NCKAP5: variants seen among roughly 807,000 people sequenced by gnomAD.
NCKAP5 encodes the protein NCK associated protein 5.
A neutral mutation model predicts 167.0 loss-of-function variants in NCKAP5; 92 were observed. The observed-to-expected ratio is 0.55, with a 90% confidence interval of 0.47 to 0.66. NCKAP5 has a LOEUF of 0.66. Ranked by LOEUF, NCKAP5 falls within the 30% of genes least tolerant of loss-of-function variation. NCKAP5 has a pLI of 0.00. For missense variants in NCKAP5, 2,378 were observed against 2,315.0 expected (o/e 1.03, Z -0.56); for synonymous variants, 891 against 877.4 (o/e 1.02, Z -0.27).
the NCKAP5 span, among the ~76,000 whole-genome samples, chr2:133,652,167 T>G: frequency 9.9e-5 from 15 of 152,148 alleles, no homozygotes; most frequent in Non-Finnish European, 1.8e-4. Context: ...AGTCACATAC[T>G]AAAATACAAA....
chr2:132,949,857 G>A (rs1303359752), intron 8 of NCKAP5, among the ~76,000 whole-genome samples: 1 of 152,182 alleles, frequency 6.6e-6, no homozygotes. Flanking sequence ...ACTTTGGGAG[G>A]CCATGGCGGA....
intron 11 of NCKAP5, among the ~76,000 whole-genome samples, chr2:132,834,729 C>A (rs886231477): frequency 1.6e-4 from 24 of 152,114 alleles, no homozygotes; most frequent in African/African-American, 4.6e-4. Flanking sequence ...CCTCAAGTGA[C>A]CCTTCTGCCT....
chr2:132,962,631 C>T (rs1475408873), intron 8 of NCKAP5, among the ~76,000 whole-genome samples: 2 of 152,092 alleles, frequency 1.3e-5, no homozygotes, highest in African/African-American at 2.4e-5. Context: ...GAGTCTGTCA[C>T]CCAGGCTGGA....
chr2:132,696,804 C>A (rs571222527), intron 19 of NCKAP5, among the ~76,000 whole-genome samples: 6 of 152,288 alleles, frequency 3.9e-5, no homozygotes, highest in Non-Finnish European at 8.8e-5. Context: ...TAAGTGAGGA[C>A]ACACTGGGGA....
At chr2:133,583,816 C>T in the NCKAP5 span, among the ~76,000 whole-genome samples, 7 of 152,018 alleles carry the variant, frequency 4.6e-5, no homozygotes, top group Admixed American at 1.3e-4. Context: ...TGTAGTGGCG[C>T]GATCTCAGCT....
chr2:132,967,008 A>G (rs1221892798), intron 7 of NCKAP5, among the ~76,000 whole-genome samples: 1 of 152,202 alleles, frequency 6.6e-6, no homozygotes, highest in Non-Finnish European at 1.5e-5. Flanking sequence ...AGTAACGTGA[A>G]CCTTGGGTGA....
intron 13 of NCKAP5, among the ~76,000 whole-genome samples, chr2:132,787,934 G>C (rs1683724261): frequency 6.6e-6 from 1 of 152,116 alleles, no homozygotes; most frequent in African/African-American, 2.4e-5. Context: ...CCTCTGTCTT[G>C]CCTCCTTTCT....
intron 8 of NCKAP5, among the ~76,000 whole-genome samples, chr2:132,898,741 G>A (rs1693397902): frequency 6.6e-6 from 1 of 152,172 alleles, no homozygotes; most frequent in Non-Finnish European, 1.5e-5. Flanking sequence ...TTTGGAAAGG[G>A]ATATTTTCTT....
intron 6 of NCKAP5, among the ~76,000 whole-genome samples, chr2:133,025,167 T>C (rs548725848): frequency 6.6e-6 from 1 of 152,306 alleles, no homozygotes; most frequent in Non-Finnish European, 1.5e-5. Flanking sequence ...CCTACTATCT[T>C]TTGTGGTTGA....
intron 7 of NCKAP5, among the ~76,000 whole-genome samples, chr2:132,976,578 A>AG (rs1410375810): frequency 3.3e-5 from 5 of 151,486 alleles, no homozygotes; most frequent in African/African-American, 1.2e-4. Context: ...AAAAAAAAAA[A>AG]AAAAAGAAGA....
At chr2:133,251,510 A>G (rs2088328493) in intron 4 of NCKAP5, among the ~76,000 whole-genome samples, 1 of 152,180 alleles carries the variant, frequency 6.6e-6, no homozygotes, top group South Asian at 2.1e-4. Context: ...AAGGAGGATG[A>G]CAACACTAAA....
At chr2:132,720,023 A>G (rs1305622354) in intron 19 of NCKAP5, among the ~76,000 whole-genome samples, 1 of 152,092 alleles carries the variant, frequency 6.6e-6, no homozygotes, top group Non-Finnish European at 1.5e-5. Context: ...TTTACTTTTT[A>G]CCAGCAAGGT....
rs566472987 is a variant in NCKAP5, at chr2:132,812,760, T to C, written c.808-16031A>G. 2.6e-5 allele frequency among the ~76,000 whole-genome samples: 4 copies of C among 152,270 alleles called. No individual in the cohort carries two copies. In the South Asian group the frequency reaches 6.2e-4, roughly 24 times the overall value. ...CCACAATATTGTGGCTCATAAACAA[T>C]AGAAATGTATTTCTCGCAGTTTTGG... On this transcript the variant is annotated intron_variant, in intron 11 of 19. Coordinates refer to ENST00000409261, the MANE Select transcript of NCKAP5 (RefSeq NM_207363.3).
intron 14 of NCKAP5, 38 bp from the exon 15 acceptor site, chr2:132,781,267 G>C (rs766980545): frequency 6.3e-6 from 10 of 1,578,280 alleles, no homozygotes; most frequent in Middle Eastern, 1.7e-4. Flanking sequence ...AAGTTACCTT[G>C]CTCCTTCTTC....
chr2:133,264,517 A>G (rs1377240527), intron 4 of NCKAP5, among the ~76,000 whole-genome samples: 1 of 152,198 alleles, frequency 6.6e-6, no homozygotes, highest in Admixed American at 6.5e-5. Flanking sequence ...GGGGGCCTAC[A>G]ATGGTGCCCA....
chr2:133,629,399 T>C, the NCKAP5 span, among the ~76,000 whole-genome samples: 1 of 152,192 alleles, frequency 6.6e-6, no homozygotes, highest in Non-Finnish European at 1.5e-5. Context: ...TCATGGATCA[T>C]TAGAGAAATG....
chr2:132,680,522 GAGA>G (rs1249124664), intron 19 of NCKAP5, among the ~76,000 whole-genome samples: 1 of 152,136 alleles, frequency 6.6e-6, no homozygotes, highest in African/African-American at 2.4e-5. Flanking sequence ...AGCAAGCAAA[GAGA>G]AGGTCAGTGG....
At chr2:132,794,057 G>A (rs945257362) in intron 12 of NCKAP5, among the ~76,000 whole-genome samples, 2 of 151,296 alleles carry the variant, frequency 1.3e-5, no homozygotes, top group African/African-American at 4.9e-5. Context: ...CTGTGAGCTT[G>A]GGAAAATTAC....
intron 3 of NCKAP5, among the ~76,000 whole-genome samples, chr2:133,507,596 C>A (rs1451396571): frequency 6.6e-6 from 1 of 152,112 alleles, no homozygotes; most frequent in Admixed American, 6.5e-5. Flanking sequence ...AGGGAGCAGG[C>A]CAGACAAATA....
Sources: gnomAD v4.1 joint callset for allele counts (sites outside exome capture counted in the v4.1 genomes callset) on GRCh38, gnomAD v4.1.1 for gene constraint, MANE v1.5 for transcripts, NCBI Gene and HGNC (gene_info 2026-07-23, HGNC 2026-07-21) for gene names.